Variants in RNF6 observed in about 807,000 individuals in gnomAD.
RNF6 encodes E3 ubiquitin-protein ligase RNF6.
RNF6 carries 21 observed loss-of-function variants against 50.1 expected under a neutral mutation model. The observed-to-expected ratio is 0.42, with a 90% CI of 0.30 to 0.60. The LOEUF (loss-of-function observed/expected upper bound fraction) is 0.60, where lower values mean the gene tolerates loss of function less well. Ranked by LOEUF, RNF6 falls within the 20% of genes least tolerant of loss-of-function variation. The probability of loss-of-function intolerance (pLI) is 0.20; values close to 1 mark genes in which losing one functional copy is unlikely to be tolerated. For synonymous variants in RNF6, 255 were observed against 291.8 expected (o/e 0.87, Z 1.29); for missense variants, 698 against 838.2 (o/e 0.83, Z 2.07).
chr13:26,215,296 G>A lies in RNF6; in HGVS notation c.586C>T (p.Arg196Ter), dbSNP rs765494771. 1 of 1,614,140 alleles carries A rather than the reference G, an allele frequency of 6.2e-7. No individual in the cohort carries two copies. Among genetic ancestry groups the A allele is most frequent in the South Asian group, 1.1e-5 (1 of 91,084 alleles). Residue 196 changes from arginine (R) to a stop codon, truncating the protein, a stop_gained, in exon 5 of 5, where the codon CGA (arginine) becomes TGA (stop). Transcript: ENST00000381588. LOFTEE classifies it high-confidence loss of function. ...TTCACTGAGGTTTGGCTTCTTGTTCGCCTAGCCACAGGACTAGTTGACCTT... is the reference window on the plus strand; with the variant it reads ...TTCACTGAGGTTTGGCTTCTTGTTCACCTAGCCACAGGACTAGTTGACCTT... ...QQRSTSPVAR[R>*]TRSQTSVNFN... is the part of the protein sequence containing the mutation.
At chr13:26,211,272 T>C (rs945292025), downstream of RNF6, among the ~76,000 whole-genome samples, 1 of 152,242 alleles carries the variant, frequency 6.6e-6, no homozygotes, top group Admixed American at 6.5e-5. Flanking sequence ...CTACTTCTGT[T>C]TCAAATGCCT....
At chr13:26,146,367 T>C (rs187557570) in intron 5 of RNF6, among the ~76,000 whole-genome samples, 1 of 152,346 alleles carries the variant, frequency 6.6e-6, no homozygotes, top group Non-Finnish European at 1.5e-5. Flanking sequence ...GTGCTGCCAC[T>C]TGGCCCTGGC....
chr13:26,194,258 C>T (rs1462848624), intron 5 of RNF6, among the ~76,000 whole-genome samples: 2 of 152,020 alleles, frequency 1.3e-5, no homozygotes, highest in African/African-American at 4.8e-5. Flanking sequence ...TACAAAAAAG[C>T]AGGGGAGAGG....
chr13:26,151,241 C>T (rs1279375733), intron 5 of RNF6, among the ~76,000 whole-genome samples: 3 of 151,960 alleles, frequency 2.0e-5, no homozygotes, highest in African/African-American at 7.3e-5. Context: ...CTTTTCAAAA[C>T]AGTTAAATCC....
chr13:26,174,345 G>A (rs749013900), intron 5 of RNF6, among the ~76,000 whole-genome samples: 27 of 152,078 alleles, frequency 1.8e-4, no homozygotes, highest in Admixed American at 6.6e-5. Context: ...GCTGCAATAC[G>A]TAAAGGGACA....
At chr13:26,184,120 T>C (rs913113575) in intron 5 of RNF6, among the ~76,000 whole-genome samples, 9 of 148,064 alleles carry the variant, frequency 6.1e-5, no homozygotes, top group Non-Finnish European at 8.9e-5. Flanking sequence ...TCCGTCTCCT[T>C]AGGTTCACGC....
intron 5 of RNF6, among the ~76,000 whole-genome samples, chr13:26,151,109 T>C (rs1488606517): frequency 6.6e-6 from 1 of 152,202 alleles, no homozygotes; most frequent in African/African-American, 2.4e-5. Flanking sequence ...TATCACGTGA[T>C]AGAAAAGTCA....
Position 26,214,939 on chromosome 13 carries a change from T to C in RNF6, c.943A>G (p.Ile315Val), listed in dbSNP as rs779676304. ...STSNSRSRSP[I>V]QRQSGTVYHN... is the part of the protein sequence containing the mutation. ...TAAACAGTGCCACTCTGTCTCTGAATTGGTGAACGGCTTCGACTATTGGAA... is the reference window on the plus strand; with the variant it reads ...TAAACAGTGCCACTCTGTCTCTGAACTGGTGAACGGCTTCGACTATTGGAA... Residue 315 changes from isoleucine to valine, a missense_variant, in exon 5 of 5, where the codon ATT becomes GTT. By Grantham distance (29) the Ile-to-Val change is conservative. Transcript: ENST00000381588. 6 of 1,614,254 alleles carry C rather than the reference T, an allele frequency of 3.7e-6. No homozygotes were observed. The highest frequency in any genetic ancestry group is 2.2e-5 in the South Asian group (2 of 91,086).
At chr13:26,201,726 G>T (rs1355428133) in intron 5 of RNF6, among the ~76,000 whole-genome samples, 1 of 152,194 alleles carries the variant, frequency 6.6e-6, no homozygotes, top group East Asian at 1.9e-4. Flanking sequence ...GATCCTGGGA[G>T]TATAAAATTA....
intron 5 of RNF6, among the ~76,000 whole-genome samples, chr13:26,178,982 T>TTTTC (rs2137653463): frequency 6.6e-6 from 1 of 152,330 alleles, no homozygotes; most frequent in Non-Finnish European, 1.5e-5. Context: ...TTGTTAAGAC[T>TTTTC]AAATAATATT....
rs528295679 is a variant in RNF6, at chr13:26,180,737, T to C, written n.768+34737A>G. 3.3e-5 allele frequency among the ~76,000 whole-genome samples: 5 copies of C among 152,344 alleles called. No homozygotes were observed. The East Asian group carries it at 9.7e-4, about 29-fold the overall frequency. On this transcript the variant is annotated intron_variant and non_coding_transcript_variant, in intron 5 of 5. Coordinates refer to the RNF6 transcript ENST00000468480. The stretch of plus-strand genomic sequence containing the variant: ...ATTGGGACGTCCATCAGATTGGCAA[T>C]AGGCCACACATGGACTATTGGCATT...
In RNF6 at chr13:26,214,649, A is replaced by G. The variant is rs746688210; in HGVS notation, c.1233T>C (p.Asn411=). The change falls in exon 5 of 5, where the codon AAT becomes AAC. Residue 411 remains asparagine (N), a synonymous_variant. Coordinates refer to ENST00000381588, the MANE Select transcript of RNF6 (RefSeq NM_005977.4). ...TATTTGCAATACTATCCCGATCTCT[A>G]TTTTCTCCAGGACGGATCCTTCTCA... The part of the protein sequence containing the change: ...LQVRRIRPGE[N]RDRDSIANRT... 3.7e-6 allele frequency: 6 copies of G among 1,614,048 alleles called. No homozygotes were observed. The highest frequency in any genetic ancestry group is 4.2e-6 in the Non-Finnish European group (5 of 1,180,022).
In RNF6 at chr13:26,183,612, A is replaced by G. The variant is rs536497533; in HGVS notation, n.768+31862T>C. 2.0e-5 allele frequency among the ~76,000 whole-genome samples: 3 copies of G among 152,310 alleles called. No homozygotes were observed. The South Asian group carries it at 6.2e-4, about 32-fold the overall frequency. Reference sequence around the variant, plus strand: ...GAGCAGCTTAAACAGATTCTGAAACATATTACTTTTTGCAGAAGTGAAACT... The same window carrying G: ...GAGCAGCTTAAACAGATTCTGAAACGTATTACTTTTTGCAGAAGTGAAACT... On this transcript the variant is annotated intron_variant and non_coding_transcript_variant, in intron 5 of 5. Coordinates refer to the RNF6 transcript ENST00000468480.
At chr13:26,152,549 G>A (rs1871676679) in intron 5 of RNF6, among the ~76,000 whole-genome samples, 1 of 152,184 alleles carries the variant, frequency 6.6e-6, no homozygotes, top group African/African-American at 2.4e-5. Context: ...CAGGCAGCAT[G>A]TCTAATCATT....
intron 5 of RNF6, among the ~76,000 whole-genome samples, chr13:26,196,832 C>T (rs1379822966): frequency 1.3e-5 from 2 of 151,846 alleles, no homozygotes; most frequent in Non-Finnish European, 2.9e-5. Flanking sequence ...CTGCATCCCT[C>T]TTCCTGAAAT....
rs1369422561 is a variant in RNF6 at position 26,204,484 on chromosome 13, G to A, written n.768+10990C>T. ...TGCACTTTAGCCTGGGCAACAGAGC[G>A]AGACTCCACCTCAAAAAAAAAAAAA... On this transcript the variant is annotated intron_variant and non_coding_transcript_variant, in intron 5 of 5. Transcript: ENST00000468480. Among the ~76,000 whole-genome samples the A allele has an allele frequency of 1.6e-4, 19 of 118,978 alleles. No homozygotes were observed. In the Admixed American group the frequency reaches 2.1e-3, roughly 13 times the overall value. The allele number at this position is 118,978 out of a possible 152,430, so 78.1% of individuals were successfully genotyped here.
At chr13:26,193,806 A>T (rs915506119) in intron 5 of RNF6, among the ~76,000 whole-genome samples, 2 of 152,236 alleles carry the variant, frequency 1.3e-5, no homozygotes, top group Non-Finnish European at 2.9e-5. Flanking sequence ...GATTGAACAA[A>T]TGGAAGGGTT....
intron 5 of RNF6, among the ~76,000 whole-genome samples, chr13:26,184,010 ATATATATATTTTTTTT>A (rs1266536214): frequency 7.9e-3 from 310 of 39,040 alleles, no homozygotes; most frequent in Non-Finnish European, 0.011. Flanking sequence ...ATATATATAT[ATATATATATTTTTTTT>A]TTTTTTTTTT....
chr13:26,184,987 T>G (rs369568014), intron 5 of RNF6, among the ~76,000 whole-genome samples: 1 of 151,580 alleles, frequency 6.6e-6, no homozygotes, highest in African/African-American at 2.4e-5. Context: ...GTTATCATTT[T>G]ATTGATTGAT....
Sources: allele counts gnomAD v4.1 joint callset (sites outside exome capture counted in the v4.1 genomes callset), GRCh38; gene constraint gnomAD v4.1.1; transcripts MANE v1.5; gene names NCBI Gene and HGNC (gene_info 2026-07-23, HGNC 2026-07-21).